The following TXLNB variants were observed in gnomAD, a reference collection of about 807,000 sequenced individuals.
The protein encoded by TXLNB is beta-taxilin.
TXLNB carries 37 observed loss-of-function variants against 57.4 expected under a neutral mutation model. The observed-to-expected ratio is 0.64, with a 90% CI of 0.50 to 0.85. TXLNB has a LOEUF of 0.85. Among genes scored for constraint, TXLNB ranks in the 40% least tolerant of loss-of-function variants. The pLI is 0.00. For missense variants in TXLNB, 848 were observed against 825.6 expected (o/e 1.03, Z -0.33); for synonymous variants, 302 against 309.6 (o/e 0.98, Z 0.26).
rs376825090 is a variant in TXLNB, at chr6:139,242,917, G to C, written c.1664C>G (p.Pro555Arg). Residue 555 changes from proline (P) to arginine (R), a missense_variant, in exon 10 of 10, where the codon CCC (proline) becomes CGC (arginine). Pro to Arg is a moderately radical substitution (Grantham distance 103). Transcript: ENST00000358430. ...AGCCTGAGGAGTTAGGGGAGGCAGG[G>C]GACTCTCTGAATCCCGTGAAGGGAT... ...PLIPSRDSESPLPPLTPQAEA... is the reference protein window; with the variant it reads ...PLIPSRDSESRLPPLTPQAEA... 142 of 1,614,022 alleles carry C rather than the reference G, an allele frequency of 8.8e-5. No individual in the cohort carries two copies. The highest frequency in any genetic ancestry group is 1.2e-4 in the Non-Finnish European group (137 of 1,180,022).
intron 3 of TXLNB, among the ~76,000 whole-genome samples, chr6:139,274,406 C>T (rs113405906): frequency 2.5e-4 from 38 of 152,244 alleles, no homozygotes; most frequent in African/African-American, 8.2e-4. Flanking sequence ...ATTGAAATTC[C>T]TCATAATTTT....
At chr6:139,309,462 C>T in the TXLNB span, among the ~76,000 whole-genome samples, 1 of 152,148 alleles carries the variant, frequency 6.6e-6, no homozygotes, top group Non-Finnish European at 1.5e-5. Flanking sequence ...TTTCTTTCTT[C>T]TTTCCTTTCC....
intron 2 of TXLNB, among the ~76,000 whole-genome samples, chr6:139,285,304 A>ACACACACCCC (rs1314503333): frequency 3.9e-5 from 5 of 128,144 alleles, no homozygotes; most frequent in African/African-American, 1.5e-4. Flanking sequence ...ACACACACAC[A>ACACACACCCC]CCCCAATTCT....
rs1460678050 is a variant in TXLNB, at chr6:139,241,354, G to A, written c.*1172C>T. On this transcript the variant is annotated 3_prime_UTR_variant, in exon 10 of 10. Transcript: ENST00000358430. ...TTAGCATTAATTGAGATGAGGGCTGGGTGTAATTTCCTGCTACAAAGGAGA... is the reference window on the plus strand; with the variant it reads ...TTAGCATTAATTGAGATGAGGGCTGAGTGTAATTTCCTGCTACAAAGGAGA... The A allele has an allele frequency of 6.6e-6, 1 of 152,192 alleles. No individual in the cohort carries two copies. 9.4% of individuals were successfully genotyped at this position (152,192 alleles called of 1,614,324 possible).
At chr6:139,280,941 T>C (rs1405467086) in intron 2 of TXLNB, among the ~76,000 whole-genome samples, 1 of 152,220 alleles carries the variant, frequency 6.6e-6, no homozygotes, top group Non-Finnish European at 1.5e-5. Flanking sequence ...GTAAAATTCA[T>C]GTATGCAGGG....
At chr6:139,190,309 CTT>C in the TXLNB span, among the ~76,000 whole-genome samples, 2 of 115,252 alleles carry the variant, frequency 1.7e-5, no homozygotes, top group Admixed American at 1.0e-4. Context: ...TTCTTTCTTT[CTT>C]TTTTTTTTTT....
the TXLNB span, among the ~76,000 whole-genome samples, chr6:139,212,885 C>T: frequency 6.6e-6 from 1 of 152,090 alleles, no homozygotes; most frequent in South Asian, 2.1e-4. Flanking sequence ...ACAAAGAAGG[C>T]CATTACATAA....
intron 4 of TXLNB, among the ~76,000 whole-genome samples, chr6:139,266,551 A>G (rs555985444): frequency 6.6e-6 from 1 of 152,312 alleles, no homozygotes; most frequent in South Asian, 2.1e-4. Flanking sequence ...TCTAAAAATA[A>G]AAGAGAAAAA....
At chr6:139,271,156 G>A (rs1165039972) in intron 3 of TXLNB, among the ~76,000 whole-genome samples, 1 of 152,146 alleles carries the variant, frequency 6.6e-6, no homozygotes, top group Non-Finnish European at 1.5e-5. Flanking sequence ...TCTGAGTGTG[G>A]ATTGTTTATG....
Position 139,244,645 on chromosome 6 carries a change from T to G in TXLNB, c.1216A>C (p.Lys406Gln). The change falls in exon 9 of 10, where the codon AAA becomes CAA. Residue 406 changes from lysine (K) to glutamine (Q), a missense_variant. Coordinates refer to ENST00000358430, the MANE Select transcript of TXLNB (RefSeq NM_153235.4). ...KKLEKDTATW[K>Q]ARFENCNKAL... ...TTGTTACAGTTCTCAAATCGGGCTT[T>G]CCATGTGGCTGTGTCCTTTTCCAGC... The G allele has an allele frequency of 6.2e-7, 1 of 1,614,130 alleles. No homozygotes were observed. Among genetic ancestry groups the G allele is most frequent in the Non-Finnish European group, 8.5e-7 (1 of 1,179,958 alleles).
the TXLNB span, chr6:139,176,830 G>A: frequency 1.5e-6 from 1 of 688,932 alleles, no homozygotes; most frequent in South Asian, 1.9e-5. This position sits in a 1 kb window ranked among gnomAD's most constrained non-coding sequence, Gnocchi z 4.5. Flanking sequence ...GGTAGTAAAA[G>A]GGATGCTTTG....
chr6:139,323,670 G>A, the TXLNB span, among the ~76,000 whole-genome samples: 1 of 152,168 alleles, frequency 6.6e-6, no homozygotes, highest in Admixed American at 6.5e-5. Context: ...CAAGAATCAC[G>A]AGGCACGTGG....
chr6:139,179,640 T>A, the TXLNB span: 1 of 152,200 alleles, frequency 6.6e-6, no homozygotes, highest in Admixed American at 6.5e-5. Flanking sequence ...TCTGGCTGAT[T>A]TGGGAATAAA....
the TXLNB span, among the ~76,000 whole-genome samples, chr6:139,323,067 C>A: frequency 1.3e-5 from 2 of 152,090 alleles, no homozygotes; most frequent in Non-Finnish European, 2.9e-5. Flanking sequence ...TGTGAACTGA[C>A]TAGGAATAAT....
the TXLNB span, among the ~76,000 whole-genome samples, chr6:139,211,603 A>T: frequency 6.6e-6 from 1 of 152,244 alleles, no homozygotes; most frequent in Non-Finnish European, 1.5e-5. Context: ...GCAGCTCCTC[A>T]CCAGCAACGG....
chr6:139,210,570 G>A, the TXLNB span, among the ~76,000 whole-genome samples: 1 of 152,224 alleles, frequency 6.6e-6, no homozygotes, highest in Admixed American at 6.5e-5. Flanking sequence ...CAGAAGATGG[G>A]TGATTTCTGC....
chr6:139,269,634 T>C (rs752396472), intron 4 of TXLNB, among the ~76,000 whole-genome samples: 15 of 152,260 alleles, frequency 9.9e-5, no homozygotes, highest in Non-Finnish European at 1.8e-4. Flanking sequence ...TTTCATGTAC[T>C]CTGTTTCTTG....
Position 139,242,790 on chromosome 6 carries a change from T to A in TXLNB, c.1791A>T (p.Ala597=). 2 of 1,614,130 alleles carry A rather than the reference T, an allele frequency of 1.2e-6. No individual in the cohort carries two copies. Among genetic ancestry groups the A allele is most frequent in the Non-Finnish European group, 1.7e-6 (2 of 1,180,010 alleles). The change falls in exon 10 of 10, where the codon GCA becomes GCT. Residue 597 remains alanine (A), a synonymous_variant. Coordinates refer to ENST00000358430, the MANE Select transcript of TXLNB (RefSeq NM_153235.4). ...ETQCEGLPVG[A]QADQASWKPE... is the part of the protein sequence containing the mutation. ...GCTTCCAGGACGCCTGATCAGCCTG[T>A]GCTCCAACAGGGAGACCCTCGCATT...
rs555494692 is a variant in TXLNB at position 139,285,879 on chromosome 6, C to T, written c.424+2597G>A. Reference sequence around the variant, plus strand: ...AAATCTGTTTTCATTTCTTTCATTTCAGATGCCAAGGGGAAAGTGACTTTA... The same window carrying T: ...AAATCTGTTTTCATTTCTTTCATTTTAGATGCCAAGGGGAAAGTGACTTTA... On this transcript the variant is annotated intron_variant, in intron 2 of 9. Coordinates refer to ENST00000358430, the MANE Select transcript of TXLNB (RefSeq NM_153235.4). 9.3e-4 allele frequency among the ~76,000 whole-genome samples: 135 copies of T among 145,664 alleles called. 19 individuals are homozygous for T. Among genetic ancestry groups the T allele is most frequent in the African/African-American group, 3.2e-3 (128 of 39,632 alleles).
Sources: allele counts gnomAD v4.1 joint callset (sites outside exome capture counted in the v4.1 genomes callset), GRCh38; gene constraint gnomAD v4.1.1; non-coding constraint Gnocchi (gnomAD v3.1); transcripts MANE v1.5; gene names NCBI Gene and HGNC (gene_info 2026-07-23, HGNC 2026-07-21).